EIF3J: variants seen among roughly 807,000 people sequenced by gnomAD.
EIF3J encodes the protein eukaryotic translation initiation factor 3 subunit J, also known as eukaryotic translation initiation factor 3, subunit 1 (alpha, 35kD).
A neutral mutation model predicts 39.0 loss-of-function variants in EIF3J; 15 were observed. That is an observed-to-expected ratio of 0.38 (90% CI 0.26 to 0.59). EIF3J has a LOEUF of 0.59. EIF3J is among the 20% of genes least tolerant of loss of function. EIF3J has a pLI of 0.60. For synonymous variants in EIF3J, 98 were observed against 112.9 expected (o/e 0.87, Z 0.84); for missense variants, 226 against 308.6 (o/e 0.73, Z 2.00).
At position 44,550,908 on chromosome 15, in the gene EIF3J, AGAG is replaced by A. The variant is rs755511421; in HGVS notation, c.183_185del (p.Glu62del). ...GGGATGACGATGATGATGAAAAAAAAGAGGAAGCAGAAGTAAAACCAGGTGAGC... is the reference window on the plus strand; with the variant it reads ...GGGATGACGATGATGATGAAAAAAAAGAAGCAGAAGTAAAACCAGGTGAGC... On this transcript the variant is annotated inframe_deletion, in exon 3 of 8. Coordinates refer to ENST00000261868, the MANE Select transcript of EIF3J (RefSeq NM_003758.4). The A allele has an allele frequency of 3.1e-6, 5 of 1,609,980 alleles. No individual in the cohort carries two copies. The highest frequency in any genetic ancestry group is 4.2e-6 in the Non-Finnish European group (5 of 1,177,560).
chr15:44,561,395 TGTC>T lies in EIF3J; in HGVS notation c.*249_*251del. ...ATCATAGTTCAAAACCTAATAATGT[TGTC>T]GTTGTTGCTATCTGATTTCATAGCA... On this transcript the variant is annotated 3_prime_UTR_variant, in exon 8 of 8. Transcript: ENST00000261868. 3.3e-6 allele frequency: 1 copy of T among 301,248 alleles called. No individual in the cohort carries two copies. The highest frequency in any genetic ancestry group is 6.3e-6 in the Non-Finnish European group (1 of 159,848). The allele number at this position is 301,248 out of a possible 1,614,324, so 18.7% of individuals were successfully genotyped here. A position where few individuals can be genotyped will look rare whatever the true frequency, so the allele number is the denominator to read the frequency against.
At chr15:44,556,011 C>T (rs1037631381) in intron 5 of EIF3J, among the ~76,000 whole-genome samples, 3 of 152,028 alleles carry the variant, frequency 2.0e-5, no homozygotes, top group African/African-American at 7.2e-5. Context: ...CGCATGCCAC[C>T]ACGCCTGGGT....
At chr15:44,560,639 C>CTCTTATAAAT in intron 7 of EIF3J, 1 of 350,662 alleles carries the variant, frequency 2.9e-6, no homozygotes, top group Non-Finnish European at 5.2e-6. Context: ...CAATAATACT[C>CTCTTATAAAT]ACTTTGCAGA....
chr15:44,561,431 C>A lies in EIF3J; in HGVS notation c.*282C>A. The A allele has an allele frequency of 8.3e-6, 2 of 241,492 alleles. No homozygotes were observed. The highest frequency in any genetic ancestry group is 8.0e-5 in the South Asian group (1 of 12,448). The allele number at this position is 241,492 out of a possible 1,614,324, so 15.0% of individuals were successfully genotyped here. On this transcript the variant is annotated 3_prime_UTR_variant, in exon 8 of 8. Coordinates refer to ENST00000261868, the MANE Select transcript of EIF3J (RefSeq NM_003758.4). ...CTATCTGATTTCATAGCAGCAGTCA[C>A]TAAATTGGAAACAAAAGGTTGCAAC...
At chr15:44,538,582 T>C (rs910749585) in intron 2 of EIF3J, among the ~76,000 whole-genome samples, 3 of 152,140 alleles carry the variant, frequency 2.0e-5, no homozygotes, top group Non-Finnish European at 4.4e-5. Context: ...TCCGATGAGG[T>C]TGGATGTGTG....
At chr15:44,537,295 G>C in intron 1 of EIF3J, 29 bp from the exon 2 acceptor site, 1 of 1,562,662 alleles carries the variant, frequency 6.4e-7, no homozygotes. Flanking sequence ...GCAGTGGCAG[G>C]CACTAACACG....
At chr15:44,550,627 T>C (rs2082091104) in intron 2 of EIF3J, 1 of 310,792 alleles carries the variant, frequency 3.2e-6, no homozygotes, top group South Asian at 8.3e-5. Flanking sequence ...GAGCCTCTAA[T>C]AGGGAAATCA....
intron 2 of EIF3J, among the ~76,000 whole-genome samples, chr15:44,547,150 CTT>C (rs201648994): frequency 6.7e-6 from 1 of 148,192 alleles, no homozygotes; most frequent in African/African-American, 2.5e-5. Flanking sequence ...TAGCTGTTGA[CTT>C]TTTTTTGTGA....
At chr15:44,546,510 G>T (rs999536799) in intron 2 of EIF3J, among the ~76,000 whole-genome samples, 1 of 152,096 alleles carries the variant, frequency 6.6e-6, no homozygotes, top group African/African-American at 2.4e-5. Flanking sequence ...CAGAAGCTTG[G>T]TGTCATATTG....
chr15:44,541,925 T>A (rs1008364019), intron 2 of EIF3J, among the ~76,000 whole-genome samples: 2 of 152,214 alleles, frequency 1.3e-5, no homozygotes, highest in African/African-American at 4.8e-5. Context: ...CTAGCAAGTT[T>A]TGAATTAGGA....
intron 2 of EIF3J, among the ~76,000 whole-genome samples, chr15:44,547,258 C>G (rs532489395): frequency 6.6e-6 from 1 of 152,148 alleles, no homozygotes; most frequent in South Asian, 2.1e-4. Context: ...ATTTTCCTGC[C>G]TCAGCCTCCC....
intron 2 of EIF3J, among the ~76,000 whole-genome samples, chr15:44,538,209 T>C (rs1302733650): frequency 6.6e-6 from 1 of 152,176 alleles, no homozygotes; most frequent in African/African-American, 2.4e-5. Flanking sequence ...TTGTAGATAA[T>C]CATTTTTACC....
intron 6 of EIF3J, among the ~76,000 whole-genome samples, chr15:44,559,855 A>T (rs1156752793): frequency 6.7e-6 from 1 of 150,168 alleles, no homozygotes; most frequent in African/African-American, 2.4e-5. Flanking sequence ...TGAGCTATAA[A>T]GACAGTTTCT....
Position 44,537,362 on chromosome 15 carries a change from G to T in EIF3J, c.82G>T (p.Val28Leu), listed in dbSNP as rs746172736. The T allele has an allele frequency of 5.7e-6, 9 of 1,567,938 alleles. No individual in the cohort carries two copies. Among genetic ancestry groups the T allele is most frequent in the East Asian group, 2.3e-5 (1 of 42,658 alleles). The change falls in exon 2 of 8, where the codon GTG becomes TTG. Residue 28 changes from valine (V) to leucine (L), a missense_variant. By Grantham distance (32) the Val-to-Leu change is conservative. This residue lies in a region of EIF3J where 143 missense variants were observed against 156.0 expected (regional missense o/e 0.92). Coordinates refer to ENST00000261868, the MANE Select transcript of EIF3J (RefSeq NM_003758.4). ...CTCCGTGGAAGACCCAGTGCGGAAG[G>T]TGGGGGGCGGCGGCACTGCCGGCGG... Reference protein sequence around the residue: ...AFSVEDPVRKVGGGGTAGGDR... With the variant: ...AFSVEDPVRKLGGGGTAGGDR...
chr15:44,558,546 TCTC>T (rs1383479842), intron 6 of EIF3J, among the ~76,000 whole-genome samples: 2 of 151,860 alleles, frequency 1.3e-5, no homozygotes, highest in South Asian at 2.1e-4. Context: ...AAAAAGCAAT[TCTC>T]CTGCTCAGAC....
chr15:44,549,465 G>T (rs965472965), intron 2 of EIF3J, among the ~76,000 whole-genome samples: 5 of 151,412 alleles, frequency 3.3e-5, no homozygotes, highest in Admixed American at 3.3e-4. Context: ...AATCCATCCA[G>T]AGGCAATGAA....
In EIF3J at chr15:44,561,959, C is replaced by CT. The variant is rs1259750958; in HGVS notation, c.*813dup. ...GGGTTTTGGCATTTCCTTTCCTTTC[C>CT]TTTATAAAACATGCTCAGCAAACTG... On this transcript the variant is annotated 3_prime_UTR_variant, in exon 8 of 8. Coordinates refer to ENST00000261868, the MANE Select transcript of EIF3J (RefSeq NM_003758.4). 6.6e-6 allele frequency: 1 copy of CT among 152,430 alleles called. No homozygotes were observed. Among genetic ancestry groups the CT allele is most frequent in the East Asian group, 1.9e-4 (1 of 5,200 alleles). 9.4% of individuals were successfully genotyped at this position (152,430 alleles called of 1,614,324 possible). A position where few individuals can be genotyped will look rare whatever the true frequency, so the allele number is the denominator to read the frequency against.
chr15:44,540,265 A>G (rs62024973), intron 2 of EIF3J, among the ~76,000 whole-genome samples: 1 of 65,348 alleles, frequency 1.5e-5, no homozygotes, highest in African/African-American at 6.3e-5. Context: ...ATATATATAT[A>G]TATTTTTTTT....
In EIF3J at chr15:44,554,546, A is replaced by G. The variant is rs749849891; in HGVS notation, c.295-7A>G. 4 of 1,598,928 alleles carry G rather than the reference A, an allele frequency of 2.5e-6. No homozygotes were observed. The East Asian group carries it at 9.0e-5, about 36-fold the overall frequency. On this transcript the variant is annotated splice_polypyrimidine_tract_variant and splice_region_variant and intron_variant, in intron 4 of 7. Coordinates refer to ENST00000261868, the MANE Select transcript of EIF3J (RefSeq NM_003758.4). ...TGTGCTTTTTAAAAACTTTTGTCTC[A>G]TTTTAGTTAGAAGAACCCGAAGAAC...
Sources: gnomAD v4.1 joint callset for allele counts (sites outside exome capture counted in the v4.1 genomes callset) on GRCh38, gnomAD v4.1.1 for gene constraint, gnomAD v4.1.1 regional missense constraint, MANE v1.5 for transcripts, NCBI Gene and HGNC (gene_info 2026-07-23, HGNC 2026-07-21) for gene names.